Variants in RBFOX1 observed in about 807,000 individuals in gnomAD.
The protein encoded by RBFOX1 is RNA binding protein fox-1 homolog 1.
In RBFOX1, 8 loss-of-function variants were observed where a neutral mutation model predicts 57.7. That is an observed-to-expected ratio of 0.14 (90% CI 0.08 to 0.25). The LOEUF is 0.25. Ranked by LOEUF, RBFOX1 falls within the 10% of genes least tolerant of loss-of-function variation. The pLI is 1.00. For missense variants in RBFOX1, 611 were observed against 548.5 expected, an observed-to-expected ratio of 1.11 and a Z score of -1.14; for synonymous variants, 326 against 222.4, an observed-to-expected ratio of 1.47 and a Z score of -4.15.
chr16:5,319,669 C>T lies in RBFOX1; in HGVS notation c.219+79564C>T, dbSNP rs150628513. 7.4e-3 allele frequency among the ~76,000 whole-genome samples: 1,132 copies of T among 152,294 alleles called. 13 individuals are homozygous for T. Among genetic ancestry groups the T allele is most frequent in the South Asian group, 0.012 (58 of 4,822 alleles). ...GTCATATATTAAGTTCAAAGACAGA[C>T]TTATTTTATTAGATAGGGAAAGTCA... On this transcript the variant is annotated intron_variant, in intron 1 of 2. Transcript: ENST00000585867.
At chr16:5,930,414 GTGGA>G (rs1291348577) in intron 4 of RBFOX1, among the ~76,000 whole-genome samples, 4 of 112,032 alleles carry the variant, frequency 3.6e-5, no homozygotes, top group Admixed American at 9.6e-5. Context: ...AGGTGGGAGG[GTGGA>G]TGGATGGATG....
At position 5,626,390 on chromosome 16, in the gene RBFOX1, G is replaced by T. The variant is rs185066870; in HGVS notation, c.318+27429G>T. The stretch of plus-strand genomic sequence containing the variant: ...TATTTTAATCTTCTCATCTTAGGAG[G>T]ACACCAGTCAGGTTGGACTGGGACT... On this transcript the variant is annotated intron_variant, in intron 3 of 19. Transcript: ENST00000641259. Among the ~76,000 whole-genome samples the T allele has an allele frequency of 1.5e-3, 235 of 152,230 alleles. 1 individual carries two copies. The highest frequency in any genetic ancestry group is 5.2e-3 in the African/African-American group (214 of 41,532).
At chr16:7,444,084 T>C (rs1482939996) in intron 4 of RBFOX1, among the ~76,000 whole-genome samples, 2 of 152,254 alleles carry the variant, frequency 1.3e-5, no homozygotes, top group Non-Finnish European at 2.9e-5. Flanking sequence ...AGACCACACA[T>C]GTGCAAAACT....
At chr16:6,562,477 A>C (rs1214244285) in intron 2 of RBFOX1, among the ~76,000 whole-genome samples, 2 of 152,328 alleles carry the variant, frequency 1.3e-5, no homozygotes, top group East Asian at 3.9e-4. Context: ...GGCATACAGG[A>C]GGTATATGTA....
chr16:6,296,172 C>G (rs2078078014), intron 1 of RBFOX1, among the ~76,000 whole-genome samples: 1 of 152,158 alleles, frequency 6.6e-6, no homozygotes, highest in South Asian at 2.1e-4. Flanking sequence ...GAGACCTCAT[C>G]CATGGATTTA....
chr16:5,433,971 G>A (rs915897337), intron 1 of RBFOX1, among the ~76,000 whole-genome samples: 3 of 152,106 alleles, frequency 2.0e-5, no homozygotes, highest in African/African-American at 7.2e-5. Flanking sequence ...TCACCTGGGG[G>A]AGTTTGTTAA....
intron 2 of RBFOX1, among the ~76,000 whole-genome samples, chr16:6,607,204 G>A (rs2097945519): frequency 6.6e-6 from 1 of 152,000 alleles, no homozygotes; most frequent in South Asian, 2.1e-4. Context: ...TACTGATTGG[G>A]GACAATGACA....
At chr16:7,328,946 A>G (rs761101296) in intron 4 of RBFOX1, among the ~76,000 whole-genome samples, 1 of 152,188 alleles carries the variant, frequency 6.6e-6, no homozygotes, top group Non-Finnish European at 1.5e-5. Flanking sequence ...TGGTGTTTGC[A>G]TTTATAACTG....
intron 3 of RBFOX1, among the ~76,000 whole-genome samples, chr16:6,776,624 T>C (rs938470542): frequency 3.3e-5 from 5 of 152,132 alleles, no homozygotes; most frequent in African/African-American, 7.2e-5. Flanking sequence ...GAGTTTTCTT[T>C]ATCCCTTTCA....
At chr16:5,664,918 C>T (rs921474892) in intron 3 of RBFOX1, among the ~76,000 whole-genome samples, 1 of 151,890 alleles carries the variant, frequency 6.6e-6, no homozygotes, top group African/African-American at 2.4e-5. Flanking sequence ...ATTGTCATCC[C>T]AGGTTGATTT....
At chr16:6,755,111 A>T (rs963313500) in intron 3 of RBFOX1, among the ~76,000 whole-genome samples, 1 of 152,076 alleles carries the variant, frequency 6.6e-6, no homozygotes, top group Non-Finnish European at 1.5e-5. Flanking sequence ...TCATTGTTGG[A>T]CATTTGGGTT....
intron 4 of RBFOX1, among the ~76,000 whole-genome samples, chr16:5,968,176 G>C (rs1361759744): frequency 3.3e-5 from 5 of 152,160 alleles, no homozygotes; most frequent in Admixed American, 2.6e-4. Context: ...CTGGGTTTAA[G>C]CAATTCTGCT....
At chr16:6,069,546 AT>A (rs113928423) in intron 1 of RBFOX1, among the ~76,000 whole-genome samples, 3,139 of 152,310 alleles carry the variant, frequency 0.021, 111 homozygotes, top group African/African-American at 0.072. Context: ...TAATTTTGGC[AT>A]TCTTTATTCA....
At chr16:7,130,728 A>T (rs1351252047) in intron 4 of RBFOX1, among the ~76,000 whole-genome samples, 1 of 152,218 alleles carries the variant, frequency 6.6e-6, no homozygotes, top group Non-Finnish European at 1.5e-5. Context: ...CTCGAAGCCC[A>T]TTCCTGGCCA....
chr16:5,718,574 C>G (rs1441970722), intron 3 of RBFOX1, among the ~76,000 whole-genome samples: 1 of 152,152 alleles, frequency 6.6e-6, no homozygotes, highest in African/African-American at 2.4e-5. Flanking sequence ...CTTTGAATGA[C>G]ACATACTTAG....
intron 1 of RBFOX1, among the ~76,000 whole-genome samples, chr16:6,241,879 C>T (rs1279263847): frequency 6.6e-6 from 1 of 152,128 alleles, no homozygotes; most frequent in African/African-American, 2.4e-5. Context: ...AACACATTGA[C>T]ACATGGACAC....
chr16:6,283,798 CTG>C (rs950246814), intron 1 of RBFOX1, among the ~76,000 whole-genome samples: 3 of 152,186 alleles, frequency 2.0e-5, no homozygotes, highest in African/African-American at 7.2e-5. Context: ...GGGAAGTCCT[CTG>C]TGGTTTGACA....
intron 3 of RBFOX1, among the ~76,000 whole-genome samples, chr16:6,847,056 C>G (rs183013998): frequency 2.2e-4 from 34 of 152,238 alleles, no homozygotes; most frequent in African/African-American, 7.2e-4. Context: ...ATTTCTGCCT[C>G]TCTTGTAAAG....
chr16:7,176,524 A>C (rs1459074523), intron 4 of RBFOX1, among the ~76,000 whole-genome samples: 1 of 152,056 alleles, frequency 6.6e-6, no homozygotes, highest in Non-Finnish European at 1.5e-5. Context: ...TGTTTTTGTA[A>C]ATACAGTTAT....
Sources: allele counts gnomAD v4.1 joint callset (sites outside exome capture counted in the v4.1 genomes callset), GRCh38; gene constraint gnomAD v4.1.1; transcripts MANE v1.5; gene names NCBI Gene and HGNC (gene_info 2026-07-23, HGNC 2026-07-21).